The following CELF4 variants were observed in gnomAD, a reference collection of about 807,000 sequenced individuals.
The protein encoded by CELF4 is CUGBP Elav-like family member 4.
A neutral mutation model predicts 59.9 loss-of-function variants in CELF4; 18 were observed. That is an observed-to-expected ratio of 0.30 (90% CI 0.21 to 0.45). The LOEUF (loss-of-function observed/expected upper bound fraction) is 0.45, where lower values mean the gene tolerates loss of function less well. Among genes scored for constraint, CELF4 ranks in the 20% least tolerant of loss-of-function variants. The probability of loss-of-function intolerance (pLI) is 1.00; values close to 1 mark genes in which losing one functional copy is unlikely to be tolerated. For missense variants in CELF4, 456 were observed against 689.0 expected (o/e 0.66, Z 3.79); for synonymous variants, 261 against 267.1 (o/e 0.98, Z 0.22).
intron 9 of CELF4, 74 bp downstream of exon 9, chr18:37,266,459 G>A: frequency 1.4e-6 from 2 of 1,381,290 alleles, no homozygotes; most frequent in Non-Finnish European, 2.0e-6. Flanking sequence ...CAGGCCTGAG[G>A]GGGCACTGGT....
chr18:37,392,222 G>A (rs1402868788), intron 2 of CELF4, among the ~76,000 whole-genome samples: 2 of 152,216 alleles, frequency 1.3e-5, no homozygotes, highest in African/African-American at 4.8e-5. Context: ...GCTGGGGCTA[G>A]GACAGGCTCC....
intron 2 of CELF4, among the ~76,000 whole-genome samples, chr18:37,353,249 T>TAC (rs1603625991): frequency 6.1e-5 from 9 of 146,598 alleles, no homozygotes; most frequent in Admixed American, 2.8e-4. Flanking sequence ...TATATATATA[T>TAC]ACATAAAAGA....
At chr18:37,278,822 T>C (rs1054665661) in intron 3 of CELF4, among the ~76,000 whole-genome samples, 5 of 152,164 alleles carry the variant, frequency 3.3e-5, no homozygotes, top group African/African-American at 1.2e-4. Flanking sequence ...CAGGTTGGAC[T>C]AGATCCTGAG....
intron 1 of CELF4, among the ~76,000 whole-genome samples, chr18:37,553,410 T>C (rs146239235): frequency 6.6e-6 from 1 of 152,266 alleles, no homozygotes; most frequent in Non-Finnish European, 1.5e-5. Context: ...GTGTGCGTCT[T>C]GTGGGGGCAT....
intron 9 of CELF4, among the ~76,000 whole-genome samples, chr18:37,265,909 A>T (rs1332742849): frequency 1.3e-5 from 2 of 152,174 alleles, no homozygotes; most frequent in African/African-American, 4.8e-5. Context: ...GGTGCTGTGT[A>T]GTCCAGGGGT....
chr18:37,543,182 G>C (rs1021796255), intron 1 of CELF4, among the ~76,000 whole-genome samples: 1 of 152,224 alleles, frequency 6.6e-6, no homozygotes, highest in African/African-American at 2.4e-5. Flanking sequence ...CATAGGGTTA[G>C]AGGCTGTGAA....
At chr18:37,264,816 G>A in intron 9 of CELF4, 59 bp from the exon 10 acceptor site, 3 of 1,393,608 alleles carry the variant, frequency 2.2e-6, no homozygotes, top group Non-Finnish European at 3.0e-6. Flanking sequence ...GAAGCAGGAA[G>A]AAAGAGAGAG....
At chr18:37,448,302 G>A (rs888075280) in intron 2 of CELF4, among the ~76,000 whole-genome samples, 14 of 152,208 alleles carry the variant, frequency 9.2e-5, no homozygotes, top group Non-Finnish European at 4.4e-5. Context: ...GACGGGGCCA[G>A]GGCCCTGGGT....
intron 2 of CELF4, among the ~76,000 whole-genome samples, chr18:37,323,547 G>A (rs1258874640): frequency 6.6e-6 from 1 of 152,088 alleles, no homozygotes; most frequent in East Asian, 1.9e-4. Context: ...AGGGAGCCAG[G>A]TTGCTCCTGG....
chr18:37,279,725 C>T (rs1474319389), intron 3 of CELF4, among the ~76,000 whole-genome samples: 1 of 152,184 alleles, frequency 6.6e-6, no homozygotes, highest in East Asian at 1.9e-4. Context: ...CACTGTGGCC[C>T]CAAGAACTGC....
At chr18:37,334,188 A>C (rs1358143193) in intron 2 of CELF4, among the ~76,000 whole-genome samples, 1 of 152,208 alleles carries the variant, frequency 6.6e-6, no homozygotes, top group Non-Finnish European at 1.5e-5. Context: ...AGGCATTTCT[A>C]GCCCCAACTC....
intron 2 of CELF4, among the ~76,000 whole-genome samples, chr18:37,357,147 G>A (rs1411107116): frequency 2.0e-5 from 3 of 152,210 alleles, no homozygotes; most frequent in Admixed American, 6.5e-5. Flanking sequence ...CAGCATCAGA[G>A]AAAGTTCCCA....
chr18:37,273,504 C>T, intron 6 of CELF4: 1 of 1,035,132 alleles, frequency 9.7e-7, no homozygotes, highest in Non-Finnish European at 1.2e-6. Flanking sequence ...GCACTAGAGA[C>T]ATGCTGGATG....
intron 2 of CELF4, among the ~76,000 whole-genome samples, chr18:37,388,103 T>A (rs1047793434): frequency 6.6e-6 from 1 of 151,758 alleles, no homozygotes; most frequent in African/African-American, 2.4e-5. Flanking sequence ...TTTGGGTAAA[T>A]CCTTTGGGGC....
chr18:37,305,250 G>A (rs2096320186), intron 3 of CELF4: 1 of 152,204 alleles, frequency 6.6e-6, no homozygotes, highest in South Asian at 2.1e-4. Flanking sequence ...CACTGAATGA[G>A]TTTCAGAGGA....
chr18:37,423,565 G>C (rs1164201756), intron 2 of CELF4, among the ~76,000 whole-genome samples: 2 of 152,146 alleles, frequency 1.3e-5, no homozygotes, highest in Non-Finnish European at 2.9e-5. Context: ...TCCCTGGCCT[G>C]GTGTTCTTCT....
chr18:37,288,487 T>C (rs1379979307), intron 3 of CELF4, among the ~76,000 whole-genome samples: 1 of 152,168 alleles, frequency 6.6e-6, no homozygotes, highest in Admixed American at 6.5e-5. Context: ...TGTTCCCCAT[T>C]CTACAGATGA....
intron 3 of CELF4, among the ~76,000 whole-genome samples, chr18:37,308,775 AG>A (rs1217907750): frequency 2.0e-5 from 3 of 152,162 alleles, no homozygotes; most frequent in Non-Finnish European, 4.4e-5. Flanking sequence ...TTCCCCGATA[AG>A]GGTCCCGGCT....
At chr18:37,428,821 C>T (rs909265395) in intron 2 of CELF4, among the ~76,000 whole-genome samples, 10 of 152,282 alleles carry the variant, frequency 6.6e-5, no homozygotes, top group East Asian at 1.9e-4. Flanking sequence ...GCCCACACCC[C>T]GCACTCCCTA....
Sources: allele counts gnomAD v4.1 joint callset (sites outside exome capture counted in the v4.1 genomes callset), GRCh38; gene constraint gnomAD v4.1.1; transcripts MANE v1.5; gene names NCBI Gene and HGNC (gene_info 2026-07-23, HGNC 2026-07-21).